The following GPM6A variants were observed in gnomAD, a reference collection of about 807,000 sequenced individuals.
GPM6A encodes glycoprotein M6A, also known as neuronal membrane glycoprotein M6-a.
Under a neutral mutation model 32.1 loss-of-function variants are expected in GPM6A, and 7 were observed. That is an observed-to-expected ratio of 0.22 (90% CI 0.12 to 0.41). GPM6A has a LOEUF of 0.41. Ranked by LOEUF, GPM6A falls within the 10% of genes least tolerant of loss-of-function variation. The pLI is 1.00. For synonymous variants in GPM6A, 130 were observed against 123.4 expected, an observed-to-expected ratio of 1.05 and a Z score of -0.35; for missense variants, 235 against 347.2, an observed-to-expected ratio of 0.68 and a Z score of 2.57.
chr4:175,815,396 A>G (rs1735066059), upstream of GPM6A, among the ~76,000 whole-genome samples: 1 of 152,254 alleles, frequency 6.6e-6, no homozygotes, highest in Non-Finnish European at 1.5e-5. Context: ...TTGAACCTCC[A>G]GTATCTTAAA....
In GPM6A at chr4:175,657,466, T is replaced by C. The variant is rs184003853; in HGVS notation, c.388-5479A>G. On this transcript the variant is annotated intron_variant, in intron 3 of 6. Coordinates refer to ENST00000393658, the MANE Select transcript of GPM6A (RefSeq NM_201591.3). ...TCCAGTGTTAAGAACTCTTTCTATA[T>C]TGGAATCAAAGGAGATCTCAGGAGT... Among the ~76,000 whole-genome samples, 60 of 152,218 alleles carry C rather than the reference T, an allele frequency of 3.9e-4. No homozygotes were observed. The South Asian group carries it at 0.01, about 26-fold the overall frequency.
At chr4:175,824,639 T>C (rs1735378214) in intron 1 of GPM6A, among the ~76,000 whole-genome samples, 1 of 152,184 alleles carries the variant, frequency 6.6e-6, no homozygotes, top group Admixed American at 6.6e-5. Context: ...ATTCATAAAG[T>C]GAGACTGACG....
At chr4:175,641,320 G>A (rs76333588) in intron 4 of GPM6A, 8,275 of 155,692 alleles carry the variant, frequency 0.053, 764 homozygotes, top group African/African-American at 0.18. Context: ...TTGCCATTTC[G>A]CTTCTATTTA....
chr4:175,926,247 G>C (rs1478221664), intron 1 of GPM6A, among the ~76,000 whole-genome samples: 1 of 152,092 alleles, frequency 6.6e-6, no homozygotes, highest in African/African-American at 2.4e-5. Flanking sequence ...TTTATTCAAA[G>C]TATCCAATAA....
chr4:175,977,310 G>C (rs1383144379), intron 1 of GPM6A, among the ~76,000 whole-genome samples: 1 of 152,122 alleles, frequency 6.6e-6, no homozygotes, highest in African/African-American at 2.4e-5. Context: ...AGTCATGTAC[G>C]CCCAAAGTTT....
At chr4:175,692,468 T>C (rs1011277724) in intron 2 of GPM6A, among the ~76,000 whole-genome samples, 7 of 152,152 alleles carry the variant, frequency 4.6e-5, no homozygotes, top group Non-Finnish European at 8.8e-5. Context: ...GATGAACATA[T>C]GCTTACAAGC....
At chr4:175,693,198 GT>G (rs1208063026) in intron 2 of GPM6A, among the ~76,000 whole-genome samples, 193 of 151,034 alleles carry the variant, frequency 1.3e-3, no homozygotes, top group Non-Finnish European at 2.1e-3. Flanking sequence ...TATCACCTAA[GT>G]TTTTTTCTGA....
chr4:175,656,328 A>G (rs1742082515), intron 3 of GPM6A, among the ~76,000 whole-genome samples: 1 of 152,162 alleles, frequency 6.6e-6, no homozygotes, highest in Non-Finnish European at 1.5e-5. Context: ...GCATTTCATC[A>G]GAACATGCAA....
intron 1 of GPM6A, among the ~76,000 whole-genome samples, chr4:175,945,135 T>A (rs1224678745): frequency 6.6e-6 from 1 of 152,046 alleles, no homozygotes; most frequent in Non-Finnish European, 1.5e-5. Flanking sequence ...AGTACGTGAG[T>A]GTGAACAGCA....
At chr4:175,934,440 T>C (rs984806099) in intron 1 of GPM6A, among the ~76,000 whole-genome samples, 5 of 152,218 alleles carry the variant, frequency 3.3e-5, no homozygotes, top group Non-Finnish European at 7.3e-5. Flanking sequence ...GTTATTAATT[T>C]GAAGTTCTAG....
intron 1 of GPM6A, among the ~76,000 whole-genome samples, chr4:175,874,774 A>T (rs1560974767): frequency 2.0e-5 from 3 of 152,138 alleles, no homozygotes; most frequent in African/African-American, 7.2e-5. Context: ...GATGTGAAAT[A>T]GATGGAAAAT....
At chr4:175,775,584 G>A (rs1733361490) in intron 1 of GPM6A, among the ~76,000 whole-genome samples, 1 of 151,918 alleles carries the variant, frequency 6.6e-6, no homozygotes, top group Admixed American at 6.6e-5. Flanking sequence ...AAAAAAAATG[G>A]CAAATTTGAT....
intron 1 of GPM6A, among the ~76,000 whole-genome samples, chr4:175,912,610 A>G (rs1343749346): frequency 6.6e-6 from 1 of 152,160 alleles, no homozygotes. Context: ...AGCCAAGATC[A>G]CACCATTGCA....
chr4:175,946,944 T>C (rs1250859517), intron 1 of GPM6A, among the ~76,000 whole-genome samples: 1 of 152,138 alleles, frequency 6.6e-6, no homozygotes, highest in African/African-American at 2.4e-5. Context: ...AGATTACTGC[T>C]GTACTGGAAG....
chr4:175,673,941 T>C lies in GPM6A; in HGVS notation c.231-105A>G, dbSNP rs576527305. The C allele has an allele frequency of 1.5e-5, 10 of 684,326 alleles. No individual in the cohort carries two copies. The East Asian group carries it at 2.2e-4, about 15-fold the overall frequency. The allele number at this position is 684,326 out of a possible 1,614,324, so 42.4% of individuals were successfully genotyped here. ...TTCTTTTGGAATGAAAGTTATAGAA[T>C]ATTTATATTCATAATGAAGGTTGGA... On this transcript the variant is annotated intron_variant, in intron 2 of 6. Coordinates refer to ENST00000393658, the MANE Select transcript of GPM6A (RefSeq NM_201591.3).
At chr4:175,672,354 G>C (rs1743129669) in intron 3 of GPM6A, among the ~76,000 whole-genome samples, 1 of 152,106 alleles carries the variant, frequency 6.6e-6, no homozygotes, top group Non-Finnish European at 1.5e-5. Context: ...ATCCATAAAA[G>C]GTAAGTAACT....
chr4:175,781,842 C>A (rs189326458), intron 1 of GPM6A, among the ~76,000 whole-genome samples: 132 of 152,210 alleles, frequency 8.7e-4, no homozygotes, highest in African/African-American at 3.0e-3. Flanking sequence ...ACTCATGAGA[C>A]CTTCATTATA....
intron 1 of GPM6A, among the ~76,000 whole-genome samples, chr4:175,996,754 G>A (rs1243831636): frequency 6.6e-6 from 1 of 152,002 alleles, no homozygotes. Context: ...TTTTTCTCAG[G>A]ACTTGTGCTG....
At chr4:175,805,406 A>C (rs1219616688) in intron 1 of GPM6A, among the ~76,000 whole-genome samples, 1 of 152,246 alleles carries the variant, frequency 6.6e-6, no homozygotes, top group Non-Finnish European at 1.5e-5. Flanking sequence ...TCAATGAAGA[A>C]TGCTAATTAG....
Sources: allele counts gnomAD v4.1 joint callset (sites outside exome capture counted in the v4.1 genomes callset), GRCh38; gene constraint gnomAD v4.1.1; transcripts MANE v1.5; gene names NCBI Gene and HGNC (gene_info 2026-07-23, HGNC 2026-07-21).